Variants in ZDHHC14 observed in about 807,000 individuals in gnomAD.
ZDHHC14 encodes palmitoyltransferase ZDHHC14.
Under a neutral mutation model 47.7 loss-of-function variants are expected in ZDHHC14, and 16 were observed. The observed-to-expected ratio is 0.34, with a 90% CI of 0.23 to 0.51. The LOEUF (loss-of-function observed/expected upper bound fraction) is 0.51, where lower values mean the gene tolerates loss of function less well. Ranked by LOEUF, ZDHHC14 falls within the 20% of genes least tolerant of loss-of-function variation. The probability of loss-of-function intolerance (pLI) is 0.97; values close to 1 mark genes in which losing one functional copy is unlikely to be tolerated. For missense variants in ZDHHC14, 515 were observed against 662.5 expected, an observed-to-expected ratio of 0.78 and a Z score of 2.44; for synonymous variants, 293 against 278.9, an observed-to-expected ratio of 1.05 and a Z score of -0.50.
chr6:157,585,271 C>T (rs1406994938), intron 2 of ZDHHC14, among the ~76,000 whole-genome samples: 2 of 152,042 alleles, frequency 1.3e-5, no homozygotes, highest in East Asian at 3.8e-4. Flanking sequence ...TAGAGGTTTT[C>T]CCCCCAAAAT....
chr6:157,416,727 T>C (rs1167616377), intron 1 of ZDHHC14, among the ~76,000 whole-genome samples: 1 of 142,940 alleles, frequency 7.0e-6, no homozygotes, highest in Non-Finnish European at 1.5e-5. Flanking sequence ...TGGTAAAAAA[T>C]TCGAACAGTA....
chr6:157,596,120 T>C (rs948090553), intron 3 of ZDHHC14, among the ~76,000 whole-genome samples: 1 of 152,164 alleles, frequency 6.6e-6, no homozygotes, highest in Non-Finnish European at 1.5e-5. Context: ...ACTGCATAGC[T>C]TCGGTTTTCC....
At chr6:157,665,281 C>T (rs1337650166) in intron 8 of ZDHHC14, among the ~76,000 whole-genome samples, 1 of 152,176 alleles carries the variant, frequency 6.6e-6, no homozygotes, top group Non-Finnish European at 1.5e-5. Flanking sequence ...CATGTTACAA[C>T]CCATGTTGCC....
At chr6:157,535,737 CT>C (rs1181383801) in intron 1 of ZDHHC14, among the ~76,000 whole-genome samples, 2 of 152,156 alleles carry the variant, frequency 1.3e-5, no homozygotes, top group South Asian at 4.1e-4. Context: ...GAATGTCACT[CT>C]TGGGAGTTTT....
chr6:157,470,238 A>C (rs952299638), intron 1 of ZDHHC14, among the ~76,000 whole-genome samples: 4 of 152,376 alleles, frequency 2.6e-5, no homozygotes, highest in Non-Finnish European at 5.9e-5. Context: ...TACTACTTAT[A>C]TATTTGAAAG....
chr6:157,408,157 A>G (rs1777805580), intron 1 of ZDHHC14, among the ~76,000 whole-genome samples: 1 of 152,224 alleles, frequency 6.6e-6, no homozygotes, highest in African/African-American at 2.4e-5. Flanking sequence ...TGTAAATAAT[A>G]GAAACCGCCC....
intron 8 of ZDHHC14, among the ~76,000 whole-genome samples, chr6:157,667,425 T>C (rs1583100784): frequency 6.6e-6 from 1 of 151,110 alleles, no homozygotes; most frequent in Admixed American, 6.6e-5. Context: ...GGGAAAAGGG[T>C]TCAAAGTAAA....
chr6:157,519,338 GTC>G (rs1204607548), intron 1 of ZDHHC14, among the ~76,000 whole-genome samples: 4 of 151,250 alleles, frequency 2.6e-5, no homozygotes, highest in African/African-American at 9.7e-5. Context: ...CAGGAATAAT[GTC>G]TGTTTTTAAC....
At chr6:157,409,172 G>A (rs1030400182) in intron 1 of ZDHHC14, among the ~76,000 whole-genome samples, 2 of 152,220 alleles carry the variant, frequency 1.3e-5, no homozygotes, top group African/African-American at 4.8e-5. Context: ...AAAATCTTCT[G>A]TTGCTGAGGG....
intron 1 of ZDHHC14, among the ~76,000 whole-genome samples, chr6:157,424,117 C>T (rs755653769): frequency 3.4e-4 from 51 of 152,216 alleles, no homozygotes; most frequent in Non-Finnish European, 6.0e-4. Context: ...TATCAAACAA[C>T]ACATTCACTG....
intron 1 of ZDHHC14, among the ~76,000 whole-genome samples, chr6:157,432,318 C>G (rs1025019868): frequency 5.9e-5 from 9 of 152,186 alleles, no homozygotes; most frequent in African/African-American, 2.2e-4. Flanking sequence ...GGGTGCTCAA[C>G]AACTGGGTTG....
At chr6:157,435,700 C>T (rs1344911864) in intron 1 of ZDHHC14, among the ~76,000 whole-genome samples, 3 of 152,058 alleles carry the variant, frequency 2.0e-5, no homozygotes, top group Non-Finnish European at 2.9e-5. Flanking sequence ...CCCCCATGCC[C>T]GCCTAATTTT....
chr6:157,455,310 G>A (rs781290125), intron 1 of ZDHHC14, among the ~76,000 whole-genome samples: 10 of 152,256 alleles, frequency 6.6e-5, no homozygotes, highest in Non-Finnish European at 1.3e-4. Flanking sequence ...CAAGGGCAGA[G>A]TGATCAGTCA....
At chr6:157,503,685 C>T (rs142322680) in intron 1 of ZDHHC14, among the ~76,000 whole-genome samples, 2,688 of 152,252 alleles carry the variant, frequency 0.018, 80 homozygotes, top group African/African-American at 0.061. Context: ...AATTATTAGG[C>T]GCCAGGTGGT....
At chr6:157,384,568 T>A (rs2800443) in intron 1 of ZDHHC14, among the ~76,000 whole-genome samples, 1 of 152,130 alleles carries the variant, frequency 6.6e-6, no homozygotes, top group Non-Finnish European at 1.5e-5. Flanking sequence ...CTCTCCATGG[T>A]TGTTGCTTCA....
chr6:157,456,920 G>A (rs1450357027), intron 1 of ZDHHC14, among the ~76,000 whole-genome samples: 1 of 151,958 alleles, frequency 6.6e-6, no homozygotes, highest in African/African-American at 2.4e-5. Flanking sequence ...AGGCCAAGGC[G>A]GGTGGATCAC....
intron 1 of ZDHHC14, among the ~76,000 whole-genome samples, chr6:157,451,767 C>T (rs1778809513): frequency 6.6e-6 from 1 of 152,134 alleles, no homozygotes; most frequent in African/African-American, 2.4e-5. Flanking sequence ...TCCATGTTGG[C>T]CAGGCTGGTC....
At chr6:157,419,907 A>G (rs544383094) in intron 1 of ZDHHC14, among the ~76,000 whole-genome samples, 1 of 152,344 alleles carries the variant, frequency 6.6e-6, no homozygotes, top group Admixed American at 6.5e-5. Context: ...TTCCATAGGC[A>G]GTGAATGAGA....
intron 1 of ZDHHC14, among the ~76,000 whole-genome samples, chr6:157,442,742 T>C (rs563239926): frequency 6.6e-6 from 1 of 152,350 alleles, no homozygotes; most frequent in African/African-American, 2.4e-5. Context: ...AGACGCCTCC[T>C]GAAGAACAAT....
Sources: allele counts gnomAD v4.1 joint callset (sites outside exome capture counted in the v4.1 genomes callset), GRCh38; gene constraint gnomAD v4.1.1; transcripts MANE v1.5; gene names NCBI Gene and HGNC (gene_info 2026-07-23, HGNC 2026-07-21).